OSBPL9: variants seen among roughly 807,000 people sequenced by gnomAD.
OSBPL9 encodes oxysterol binding protein like 9, also known as oxysterol-binding protein-related protein 9.
A neutral mutation model predicts 106.6 loss-of-function variants in OSBPL9; 40 were observed. The observed-to-expected ratio is 0.38, with a 90% CI of 0.29 to 0.49. The LOEUF is 0.49. OSBPL9 is among the 20% of genes least tolerant of loss of function. The pLI is 0.97. For missense variants in OSBPL9, 609 were observed against 887.2 expected, an observed-to-expected ratio of 0.69 and a Z score of 3.98; for synonymous variants, 269 against 295.4, an observed-to-expected ratio of 0.91 and a Z score of 0.92.
the OSBPL9 span, among the ~76,000 whole-genome samples, chr1:51,533,845 CT>C: frequency 2.5e-3 from 285 of 116,270 alleles, 1 homozygote; most frequent in African/African-American, 5.9e-3. Flanking sequence ...TTTTTTCTTT[CT>C]TTTTTTTTTT....
chr1:51,766,856 G>T (rs1672661410), intron 12 of OSBPL9, among the ~76,000 whole-genome samples: 1 of 150,920 alleles, frequency 6.6e-6, no homozygotes. Context: ...AGATCATGAG[G>T]TCAGGAGTTC....
At chr1:51,661,980 A>G (rs1647203069) in intron 2 of OSBPL9, among the ~76,000 whole-genome samples, 1 of 152,184 alleles carries the variant, frequency 6.6e-6, no homozygotes, top group African/African-American at 2.4e-5. Context: ...CATCCCTTAA[A>G]CCAGAACTGC....
At position 51,718,983 on chromosome 1, in the gene OSBPL9, G is replaced by A. The variant is rs1373278988; in HGVS notation, c.318+4904G>A. On this transcript the variant is annotated intron_variant, in intron 4 of 23. Coordinates refer to ENST00000428468, the MANE Select transcript of OSBPL9 (RefSeq NM_024586.6). ...CCATCACCCTTCAGCAGCCCCCACC[G>A]TTTTCATGGATTCAGCTAAACCTTC... Among the ~76,000 whole-genome samples the A allele has an allele frequency of 6.6e-5, 10 of 152,170 alleles. No homozygotes were observed. The South Asian group carries it at 1.0e-3, about 16-fold the overall frequency.
intron 1 of OSBPL9, among the ~76,000 whole-genome samples, chr1:51,651,612 CA>C (rs1363475271): frequency 6.7e-5 from 10 of 149,470 alleles, no homozygotes; most frequent in East Asian, 3.9e-4. Context: ...CAAAACAAAA[CA>C]AAAAAAAATA....
the OSBPL9 span, among the ~76,000 whole-genome samples, chr1:51,559,440 TACACACAC>T: frequency 2.0e-5 from 3 of 147,644 alleles, no homozygotes; most frequent in East Asian, 2.0e-4. Context: ...CACACATACA[TACACACAC>T]ACACACACAC....
the OSBPL9 span, among the ~76,000 whole-genome samples, chr1:51,521,418 C>T: frequency 6.6e-6 from 1 of 152,164 alleles, no homozygotes; most frequent in Non-Finnish European, 1.5e-5. Context: ...GAAACCCTGC[C>T]ATGTAGTTTC....
chr1:51,540,855 A>G, the OSBPL9 span, among the ~76,000 whole-genome samples: 1 of 151,184 alleles, frequency 6.6e-6, no homozygotes, highest in Non-Finnish European at 1.5e-5. Context: ...GCTACTTGGG[A>G]GGCTGAGGCA....
chr1:51,740,114 A>G (rs745680587), intron 4 of OSBPL9: 4 of 1,548,414 alleles, frequency 2.6e-6, no homozygotes, highest in African/African-American at 2.8e-5. Flanking sequence ...GTAACTTTCT[A>G]TTCTCTCTTT....
Position 51,782,538 on chromosome 1 carries a change from TTA to T in OSBPL9, c.1429-19_1429-18del, listed in dbSNP as rs747536446. 10 of 1,608,244 alleles carry T rather than the reference TTA, an allele frequency of 6.2e-6. No homozygotes were observed. In the African/African-American group the frequency reaches 1.2e-4, roughly 19 times the overall value. On this transcript the variant is annotated intron_variant, in intron 16 of 23. Coordinates refer to ENST00000428468, the MANE Select transcript of OSBPL9 (RefSeq NM_024586.6). ...TTTGTGTTTTCTCATCAAAAGAAAATTATGTTATATTTGCTTGCAGGAACTAG... is the reference window on the plus strand; with the variant it reads ...TTTGTGTTTTCTCATCAAAAGAAAATTGTTATATTTGCTTGCAGGAACTAG...
chr1:51,781,869 C>T (rs1394768448), intron 16 of OSBPL9, among the ~76,000 whole-genome samples: 1 of 151,828 alleles, frequency 6.6e-6, no homozygotes, highest in African/African-American at 2.4e-5. Context: ...AAATCAAAAG[C>T]TAATATAAAA....
At chr1:51,708,070 C>T (rs1382885399) in intron 3 of OSBPL9, 5 of 222,524 alleles carry the variant, frequency 2.2e-5, no homozygotes, top group Non-Finnish European at 3.8e-5. Context: ...ACCTGCTTTG[C>T]CAGAGTTAAA....
At chr1:51,767,412 A>G (rs74830120) in intron 12 of OSBPL9, among the ~76,000 whole-genome samples, 1,897 of 151,810 alleles carry the variant, frequency 0.012, 38 homozygotes, top group African/African-American at 0.044. Flanking sequence ...AAAAAAAAGA[A>G]GTAGAATTAC....
chr1:51,565,135 C>T, the OSBPL9 span, among the ~76,000 whole-genome samples: 1 of 152,178 alleles, frequency 6.6e-6, no homozygotes, highest in Non-Finnish European at 1.5e-5. Context: ...GGCTGGACTC[C>T]AGTTACCTGG....
the OSBPL9 span, among the ~76,000 whole-genome samples, chr1:51,521,346 A>C: frequency 4.3e-4 from 65 of 152,170 alleles, no homozygotes; most frequent in Non-Finnish European, 6.3e-4. Context: ...TTCACTTGCT[A>C]TTCAAGGGGA....
chr1:51,581,949 T>C (rs1320606699), intron 1 of OSBPL9, among the ~76,000 whole-genome samples: 2 of 152,240 alleles, frequency 1.3e-5, no homozygotes, highest in South Asian at 2.1e-4. Flanking sequence ...GCTCATCTTG[T>C]ATGTTCTCTT....
intron 2 of OSBPL9, among the ~76,000 whole-genome samples, chr1:51,611,764 T>C (rs964201736): frequency 2.6e-5 from 4 of 151,882 alleles, no homozygotes; most frequent in Admixed American, 2.0e-4. Flanking sequence ...TCACCTGAGG[T>C]AGGAGTTTGA....
intron 3 of OSBPL9, among the ~76,000 whole-genome samples, chr1:51,678,957 CTGT>C (rs1444514338): frequency 6.6e-6 from 1 of 152,192 alleles, no homozygotes; most frequent in Non-Finnish European, 1.5e-5. Flanking sequence ...AAATTTCCCT[CTGT>C]TGTTTCATAT....
the OSBPL9 span, among the ~76,000 whole-genome samples, chr1:51,536,056 A>G: frequency 6.6e-6 from 1 of 152,146 alleles, no homozygotes; most frequent in Non-Finnish European, 1.5e-5. Flanking sequence ...CTAATACCTT[A>G]AATATTTCAA....
Position 51,789,150 on chromosome 1 carries a change from A to T in OSBPL9, c.*1361A>T, listed in dbSNP as rs1347300129. 6 of 1,260,896 alleles carry T rather than the reference A, an allele frequency of 4.8e-6. No homozygotes were observed. Among genetic ancestry groups the T allele is most frequent in the African/African-American group, 1.5e-5 (1 of 67,608 alleles). 78.1% of individuals were successfully genotyped at this position (1,260,896 alleles called of 1,614,324 possible). ...GTGCAAAACTTCAATGGAAGCCCTA[A>T]GGCAGTAGTATAACTAACTCCATAA... On this transcript the variant is annotated 3_prime_UTR_variant, in exon 24 of 24. Coordinates refer to ENST00000428468, the MANE Select transcript of OSBPL9 (RefSeq NM_024586.6).
Sources: gnomAD v4.1 joint callset for allele counts (sites outside exome capture counted in the v4.1 genomes callset) on GRCh38, gnomAD v4.1.1 for gene constraint, MANE v1.5 for transcripts, NCBI Gene and HGNC (gene_info 2026-07-23, HGNC 2026-07-21) for gene names.